The following ZNF232 variants were observed in gnomAD, a reference collection of about 807,000 sequenced individuals.
The protein encoded by ZNF232 is zinc finger and SCAN domain-containing protein 11.
In ZNF232, 25 loss-of-function variants were observed where a neutral mutation model predicts 25.2. That is an observed-to-expected ratio of 0.99 (90% CI 0.72 to 1.39). The LOEUF is 1.39. ZNF232 is among the 40% of genes most tolerant of loss of function. ZNF232 has a pLI of 0.00. For synonymous variants in ZNF232, 193 were observed against 182.9 expected (o/e 1.06, Z -0.45); for missense variants, 519 against 520.9 (o/e 1.00, Z 0.04).
At chr17:5,109,853 A>C (rs1697156223) in exon 2 of ZNF232, 1 of 1,607,364 alleles carries the variant, frequency 6.2e-7, no homozygotes, top group Non-Finnish European at 8.5e-7. Flanking sequence ...ACCAGCTGGA[A>C]TCTTGCAAGG....
rs772589284 is a variant in ZNF232, at chr17:5,106,415, T to A, written c.717A>T (p.Lys239Asn). The A allele has an allele frequency of 4.3e-6, 7 of 1,614,182 alleles. No individual in the cohort carries two copies. In the South Asian group the frequency reaches 7.7e-5, roughly 18 times the overall value. The change falls in exon 4 of 4, where the codon AAA becomes AAT. Residue 239 changes from lysine (K) to asparagine (N), a missense_variant. Transcript: ENST00000575898. ...CAAATGTAGAGGTGTCAGTAGCAAG[T>A]TTTTCTGAGAACACCTGTGATTCCA... is the stretch of plus-strand genomic sequence containing the variant.
intron 2 of ZNF232, 137 bp downstream of exon 2, chr17:5,109,257 G>T: frequency 7.9e-7 from 1 of 1,269,592 alleles, no homozygotes; most frequent in Non-Finnish European, 1.1e-6. Flanking sequence ...AGAAAAGACA[G>T]ACACAGAAAC....
intron 1 of ZNF232, chr17:5,121,659 G>T: frequency 6.3e-6 from 1 of 159,866 alleles, no homozygotes; most frequent in South Asian, 1.7e-4. Flanking sequence ...GGAGCACCAG[G>T]ACCATGAGCA....
exon 4 of ZNF232, chr17:5,106,116 T>C (rs1444195144): frequency 6.2e-7 from 1 of 1,614,238 alleles, no homozygotes; most frequent in Non-Finnish European, 8.5e-7. Flanking sequence ...TCTCTGATGC[T>C]GACCGAGGTT....
At position 5,111,316 on chromosome 17, in the gene ZNF232, G is replaced by T. The variant is rs966801471; in HGVS notation, c.23+484C>A. 3 of 167,070 alleles carry T rather than the reference G, an allele frequency of 1.8e-5. No individual in the cohort carries two copies. In the Admixed American group the frequency reaches 1.9e-4, roughly 10 times the overall value. 10.3% of individuals were successfully genotyped at this position (167,070 alleles called of 1,614,324 possible). A position where few individuals can be genotyped will look rare whatever the true frequency, so the allele number is the denominator to read the frequency against. ...TGTCATAGTAAGTTTGGGGTCCTGA[G>T]ATTTTATTTTCCTTTCACACAGGGA... On this transcript the variant is annotated intron_variant, in intron 1 of 3. Coordinates refer to ENST00000575898, the Ensembl canonical transcript of ZNF232.
chr17:5,122,313 C>A (rs1212964525), intron 1 of ZNF232, among the ~76,000 whole-genome samples: 2 of 152,078 alleles, frequency 1.3e-5, no homozygotes, highest in South Asian at 2.1e-4. Context: ...TTTCTGGTTC[C>A]GATGACTGTG....
intron 1 of ZNF232, among the ~76,000 whole-genome samples, chr17:5,118,599 G>A (rs565538368): frequency 1.3e-5 from 2 of 152,366 alleles, no homozygotes; most frequent in African/African-American, 4.8e-5. Context: ...CCACTGGTGA[G>A]GGCAAAGGGT....
At chr17:5,120,409 A>G (rs2072627428) in intron 1 of ZNF232, among the ~76,000 whole-genome samples, 1 of 151,990 alleles carries the variant, frequency 6.6e-6, no homozygotes, top group African/African-American at 2.4e-5. Context: ...CCCGAGTCAC[A>G]GTGTGTGTTG....
At chr17:5,121,217 C>T (rs907175002) in intron 1 of ZNF232, among the ~76,000 whole-genome samples, 6 of 152,158 alleles carry the variant, frequency 3.9e-5, no homozygotes, top group Non-Finnish European at 7.3e-5. Context: ...AGGCTGAATT[C>T]CTCCAAGGTC....
intron 3 of ZNF232, among the ~76,000 whole-genome samples, chr17:5,107,791 T>C (rs1282273306): frequency 6.6e-6 from 1 of 152,158 alleles, no homozygotes; most frequent in Non-Finnish European, 1.5e-5. Context: ...TGCCTTAGCC[T>C]CCCAAAGTGC....
chr17:5,116,658 C>T (rs888135220), upstream of ZNF232: 1 of 152,280 alleles, frequency 6.6e-6, no homozygotes, highest in African/African-American at 2.4e-5. Flanking sequence ...CAGGAAGGAA[C>T]TGGGAGACCC....
At chr17:5,112,011 G>T (rs1003618734), upstream of ZNF232, 34 of 843,576 alleles carry the variant, frequency 4.0e-5, no homozygotes, top group Non-Finnish European at 5.9e-5. Context: ...TCCTGGACTT[G>T]AGCGGAGCGA....
intron 1 of ZNF232, among the ~76,000 whole-genome samples, chr17:5,117,131 G>A (rs950901365): frequency 9.2e-5 from 14 of 152,200 alleles, no homozygotes; most frequent in Admixed American, 5.2e-4. Flanking sequence ...ATTCTAATTA[G>A]TTTCTCTTCT....
chr17:5,116,967 C>T (rs544690943), intron 1 of ZNF232, among the ~76,000 whole-genome samples: 2 of 152,304 alleles, frequency 1.3e-5, no homozygotes, highest in Admixed American at 6.5e-5. Context: ...AGGGCGGTGC[C>T]TACATTCTTG....
rs982280356 is a variant in ZNF232, at chr17:5,117,148, A to G, written c.-529-4797T>C. On this transcript the variant is annotated intron_variant, in intron 1 of 4. Transcript: ENST00000250076. ...TCTAATTAGTTTCTCTTCTACAATTATAAGTTCCATCAGGCCAGAGACTTG... is the reference window on the plus strand; with the variant it reads ...TCTAATTAGTTTCTCTTCTACAATTGTAAGTTCCATCAGGCCAGAGACTTG... 4.6e-5 allele frequency among the ~76,000 whole-genome samples: 7 copies of G among 152,228 alleles called. No homozygotes were observed. The East Asian group carries it at 5.8e-4, about 13-fold the overall frequency.
rs1377144239 is a variant in ZNF232, at chr17:5,121,663, A to G, written c.-530+1314T>C. On this transcript the variant is annotated intron_variant, in intron 1 of 4. Transcript: ENST00000250076. ...TGCTGCGACGCGGAGCACCAGGACC[A>G]TGAGCACCAGGTCCTTCTGGACGTG... 1.3e-4 allele frequency: 21 copies of G among 159,932 alleles called. No homozygotes were observed. The South Asian group carries it at 2.9e-3, about 22-fold the overall frequency. The allele number at this position is 159,932 out of a possible 1,614,324, so 9.9% of individuals were successfully genotyped here. A position where few individuals can be genotyped will look rare whatever the true frequency, so the allele number is the denominator to read the frequency against.
exon 2 of ZNF232, chr17:5,109,820 C>T (rs751974086): frequency 7.4e-6 from 12 of 1,613,974 alleles, no homozygotes; most frequent in Non-Finnish European, 8.5e-6. Flanking sequence ...TCCTAGTCTG[C>T]ACTAGCTCTG....
rs929732436 is a variant in ZNF232, at chr17:5,122,596, C to T, written c.-530+381G>A. On this transcript the variant is annotated intron_variant, in intron 1 of 4. Coordinates refer to the ZNF232 transcript ENST00000250076. The stretch of plus-strand genomic sequence containing the variant: ...GGGCCCCCTCCCCAGCCCAACCCAG[C>T]CCCGACCCTCCGCTGCGGGGCCCTC... Among the ~76,000 whole-genome samples the T allele has an allele frequency of 2.6e-5, 4 of 152,250 alleles. No individual in the cohort carries two copies. The East Asian group carries it at 7.7e-4, about 29-fold the overall frequency.
At chr17:5,109,205 G>T (rs756967632) in intron 2 of ZNF232, 153 bp from the exon 3 acceptor site, 2 of 1,271,812 alleles carry the variant, frequency 1.6e-6, no homozygotes, top group Admixed American at 2.0e-5. Context: ...CACAAGGGAA[G>T]AAGAGGAGCT....
Sources: allele counts gnomAD v4.1 joint callset (sites outside exome capture counted in the v4.1 genomes callset), GRCh38; gene constraint gnomAD v4.1.1; transcripts MANE v1.5; gene names NCBI Gene and HGNC (gene_info 2026-07-23, HGNC 2026-07-21).